The following TENM4 variants were observed in gnomAD, a reference collection of about 807,000 sequenced individuals.
TENM4 encodes the protein teneurin-4.
Under a neutral mutation model 243.3 loss-of-function variants are expected in TENM4, and 82 were observed. That is an observed-to-expected ratio of 0.34 (90% CI 0.28 to 0.40). The LOEUF (loss-of-function observed/expected upper bound fraction) is 0.40, where lower values mean the gene tolerates loss of function less well. Ranked by LOEUF, TENM4 falls within the 10% of genes least tolerant of loss-of-function variation. TENM4 has a pLI of 1.00. For missense variants in TENM4, 3,138 were observed against 3,673.3 expected (o/e 0.85, Z 3.77); for synonymous variants, 1,412 against 1,456.3 (o/e 0.97, Z 0.69).
rs67697266 is a variant in TENM4 at position 79,423,535 on chromosome 11, A to ATTTTT, written c.-321+16969_-321+16973dup. Among the ~76,000 whole-genome samples, 14 of 114,124 alleles carry ATTTTT rather than the reference A, an allele frequency of 1.2e-4. 1 individual carries two copies. Among genetic ancestry groups the ATTTTT allele is most frequent in the Non-Finnish European group, 1.1e-4 (6 of 56,162 alleles). The allele number at this position is 114,124 out of a possible 152,430, so 74.9% of individuals were successfully genotyped here. The stretch of plus-strand genomic sequence containing the variant: ...GCCAGCTCTGAATGCTTACAAGTGC[A>ATTTTT]TTTTTTTTTTTTTTTTTTTTTTTGC... On this transcript the variant is annotated intron_variant, in intron 1 of 33. Transcript: ENST00000278550.
At chr11:79,113,800 C>T (rs764676566) in intron 4 of TENM4, among the ~76,000 whole-genome samples, 2 of 152,172 alleles carry the variant, frequency 1.3e-5, no homozygotes, top group Non-Finnish European at 2.9e-5. Context: ...CATTTACTGT[C>T]TGACCCTTAT....
chr11:78,805,277 T>TGCCCCCCCACCCCC lies in TENM4; in HGVS notation c.2179+14_2179+15insGGGGGTGGGGGGGC. 1 of 1,402,548 alleles carries TGCCCCCCCACCCCC rather than the reference T, an allele frequency of 7.1e-7. No homozygotes were observed. Among genetic ancestry groups the TGCCCCCCCACCCCC allele is most frequent in the Non-Finnish European group, 9.7e-7 (1 of 1,033,114 alleles). The allele number at this position is 1,402,548 out of a possible 1,614,324, so 86.9% of individuals were successfully genotyped here. A position where few individuals can be genotyped will look rare whatever the true frequency, so the allele number is the denominator to read the frequency against. ...CCCCTCCCTCTACCCATGCTTCTTC[T>TGCCCCCCCACCCCC]CCCCCTGCATTTACCGATAGAACAG... On this transcript the variant is annotated intron_variant, in intron 15 of 33. Coordinates refer to ENST00000278550, the MANE Select transcript of TENM4 (RefSeq NM_001098816.3).
intron 27 of TENM4, among the ~76,000 whole-genome samples, chr11:78,708,014 T>C (rs150628740): frequency 1.3e-5 from 2 of 152,248 alleles, no homozygotes; most frequent in Non-Finnish European, 2.9e-5. Flanking sequence ...GAACAGGCAA[T>C]GTACAAATAC....
intron 16 of TENM4, among the ~76,000 whole-genome samples, chr11:78,780,267 T>A (rs11237619): frequency 6.6e-6 from 1 of 152,244 alleles, no homozygotes; most frequent in Non-Finnish European, 1.5e-5. Context: ...GGCTTATCTG[T>A]CACTTTAGTC....
chr11:78,790,399 A>C (rs149397250), intron 15 of TENM4, among the ~76,000 whole-genome samples: 290 of 152,346 alleles, frequency 1.9e-3, no homozygotes, highest in African/African-American at 6.7e-3. Flanking sequence ...CCACTTCACC[A>C]ATTTCACAGG....
chr11:78,903,433 G>T lies in TENM4; in HGVS notation c.584C>A (p.Ala195Asp). ...GCCCCGGTTCAGGGAGTTAATGGAG[G>T]CCGCGTGGTGCTGGTTGGGGGTGTG... ...HAHTPNQHHA[A>D]SINSLNRGNF... The change falls in exon 7 of 34, where the codon GCC (alanine) becomes GAC (aspartate). Residue 195 changes from alanine to aspartate, a missense_variant. This residue lies in a region of TENM4 where 671 missense variants were observed against 614.1 expected (regional missense o/e 1.09). Transcript: ENST00000278550. 6.5e-7 allele frequency: 1 copy of T among 1,547,816 alleles called. No homozygotes were observed. Among genetic ancestry groups the T allele is most frequent in the African/African-American group, 1.4e-5 (1 of 72,900 alleles).
At chr11:78,834,562 C>A (rs1239138054) in intron 12 of TENM4, among the ~76,000 whole-genome samples, 1 of 152,166 alleles carries the variant, frequency 6.6e-6, no homozygotes, top group Non-Finnish European at 1.5e-5. Context: ...TTGGTCCCCC[C>A]ACTCTTCTGC....
At position 79,354,994 on chromosome 11, in the gene TENM4, G is replaced by C. The variant is rs545905859; in HGVS notation, c.-320-57451C>G. The stretch of plus-strand genomic sequence containing the variant: ...GCTAATCCTTCAAGATGGATCCCTA[G>C]CGGCTAACTGGGTCTACATTTAAAA... On this transcript the variant is annotated intron_variant, in intron 1 of 33. Transcript: ENST00000278550. Among the ~76,000 whole-genome samples the C allele has an allele frequency of 2.6e-5, 4 of 152,276 alleles. No homozygotes were observed. The East Asian group carries it at 7.7e-4, about 29-fold the overall frequency.
intron 2 of TENM4, among the ~76,000 whole-genome samples, chr11:79,283,639 T>C (rs79736435): frequency 0.04 from 6,097 of 152,294 alleles, 165 homozygotes; most frequent in African/African-American, 0.078. Flanking sequence ...GCTTTCCCCC[T>C]AAGATTAGAA....
chr11:78,684,996 T>G (rs1489670925), intron 29 of TENM4, among the ~76,000 whole-genome samples: 1 of 152,060 alleles, frequency 6.6e-6, no homozygotes, highest in Non-Finnish European at 1.5e-5. Flanking sequence ...CACTGAATAT[T>G]TTCTGCTAGA....
chr11:79,422,005 G>T (rs1441476721), intron 1 of TENM4, among the ~76,000 whole-genome samples: 1 of 152,020 alleles, frequency 6.6e-6, no homozygotes, highest in East Asian at 1.9e-4. Flanking sequence ...CACACGTGGC[G>T]CCTGTGAAGT....
chr11:79,360,343 CAGAA>C (rs1232915314), intron 1 of TENM4, among the ~76,000 whole-genome samples: 1 of 152,090 alleles, frequency 6.6e-6, no homozygotes, highest in East Asian at 1.9e-4. Flanking sequence ...TGTGATCAGG[CAGAA>C]AGAAAGAATA....
intron 15 of TENM4, among the ~76,000 whole-genome samples, chr11:78,791,077 G>A (rs1007957012): frequency 5.3e-5 from 8 of 152,120 alleles, no homozygotes; most frequent in African/African-American, 1.9e-4. Context: ...GGCCCTTGAT[G>A]TTTATGGGGT....
intron 3 of TENM4, among the ~76,000 whole-genome samples, chr11:79,204,263 G>A (rs1477326612): frequency 2.0e-5 from 3 of 152,140 alleles, no homozygotes; most frequent in Non-Finnish European, 4.4e-5. Context: ...ATGACTGTAT[G>A]TATATGTCAA....
intron 12 of TENM4, among the ~76,000 whole-genome samples, chr11:78,828,591 C>T (rs527333104): frequency 9.8e-5 from 15 of 152,348 alleles, no homozygotes; most frequent in African/African-American, 3.6e-4. Context: ...AACATAATAA[C>T]TTGGGTCTAT....
intron 1 of TENM4, among the ~76,000 whole-genome samples, chr11:79,431,483 T>A (rs1308450836): frequency 1.3e-5 from 2 of 152,220 alleles, no homozygotes; most frequent in Admixed American, 1.3e-4. Context: ...AATACTGGAC[T>A]AAACGGAATA....
At chr11:79,206,612 G>C (rs1248099443) in intron 3 of TENM4, among the ~76,000 whole-genome samples, 1 of 152,116 alleles carries the variant, frequency 6.6e-6, no homozygotes, top group Non-Finnish European at 1.5e-5. Context: ...AATCCTGGGG[G>C]CTGGTCTTTC....
chr11:79,253,514 G>A (rs1425064860), intron 2 of TENM4, among the ~76,000 whole-genome samples: 2 of 152,204 alleles, frequency 1.3e-5, no homozygotes, highest in Admixed American at 6.5e-5. Context: ...ATAGGCAGTC[G>A]AGGAAGCCCT....
At chr11:79,422,895 T>C (rs931251781) in intron 1 of TENM4, among the ~76,000 whole-genome samples, 1 of 152,154 alleles carries the variant, frequency 6.6e-6, no homozygotes, top group South Asian at 2.1e-4. Flanking sequence ...CCTCTACATT[T>C]TAAAACAGCC....
Sources: gnomAD v4.1 joint callset for allele counts (sites outside exome capture counted in the v4.1 genomes callset) on GRCh38, gnomAD v4.1.1 for gene constraint, gnomAD v4.1.1 regional missense constraint, MANE v1.5 for transcripts, NCBI Gene and HGNC (gene_info 2026-07-23, HGNC 2026-07-21) for gene names.